Variants in RASGEF1B observed in about 807,000 individuals in gnomAD.
RASGEF1B encodes the protein RasGEF domain family member 1B, also known as ras-GEF domain-containing family member 1B.
RASGEF1B carries 30 observed loss-of-function variants against 65.7 expected under a neutral mutation model. The ratio of observed to expected loss-of-function variants is 0.46; its 90% CI spans 0.34 to 0.62. RASGEF1B has a LOEUF of 0.62. RASGEF1B is among the 20% of genes least tolerant of loss of function. RASGEF1B has a pLI of 0.01. For missense variants in RASGEF1B, 495 were observed against 580.1 expected, an observed-to-expected ratio of 0.85 and a Z score of 1.51; for synonymous variants, 175 against 194.8, an observed-to-expected ratio of 0.90 and a Z score of 0.85.
intron 1 of RASGEF1B, among the ~76,000 whole-genome samples, chr4:81,460,354 G>A (rs1015960096): frequency 4.6e-5 from 7 of 152,202 alleles, no homozygotes; most frequent in South Asian, 2.1e-4. Context: ...GACGGCACCC[G>A]GCCCTGAGAA....
rs532072755 is a variant in RASGEF1B at position 81,467,909 on chromosome 4, G to A, written c.-7+3861C>T. ...GAGTGCTGTCAAAAAGAACTTTCTG[G>A]GATACTGAAAATGTTTTTCTTTTGC... On this transcript the variant is annotated intron_variant, in intron 1 of 13. Transcript: ENST00000264400. Among the ~76,000 whole-genome samples, 3 of 152,136 alleles carry A rather than the reference G, an allele frequency of 2.0e-5. No homozygotes were observed. The East Asian group carries it at 5.8e-4, about 29-fold the overall frequency.
chr4:81,449,595 A>G (rs1350851544), intron 4 of RASGEF1B, among the ~76,000 whole-genome samples: 1 of 152,218 alleles, frequency 6.6e-6, no homozygotes, highest in Non-Finnish European at 1.5e-5. Flanking sequence ...CTTAGGTTAA[A>G]TCTCCAAAGG....
intron 13 of RASGEF1B, among the ~76,000 whole-genome samples, chr4:81,429,292 T>C (rs1373738051): frequency 6.6e-6 from 1 of 152,214 alleles, no homozygotes; most frequent in Non-Finnish European, 1.5e-5. Context: ...AGTGTGTGGC[T>C]TGAACACCAA....
chr4:81,432,446 G>T, intron 12 of RASGEF1B, 75 bp from the exon 13 acceptor site: 1 of 906,894 alleles, frequency 1.1e-6, no homozygotes, highest in Non-Finnish European at 1.8e-6. Context: ...ACCCTTGTTC[G>T]ACTTGAGCCA....
chr4:81,428,216 G>A (rs370623352), intron 13 of RASGEF1B, among the ~76,000 whole-genome samples: 3 of 152,336 alleles, frequency 2.0e-5, no homozygotes, highest in African/African-American at 7.2e-5. Flanking sequence ...TCTGCCGTCA[G>A]AGGTGTATCT....
intron 4 of RASGEF1B, chr4:81,455,521 T>A (rs1015928018): frequency 6.6e-6 from 1 of 152,200 alleles, no homozygotes; most frequent in Non-Finnish European, 1.5e-5. Context: ...TAATGGAAAA[T>A]GCATTTTAAG....
In RASGEF1B at chr4:81,435,626, G is replaced by A. The variant is rs550737828; in HGVS notation, c.1105-892C>T. Among the ~76,000 whole-genome samples the A allele has an allele frequency of 4.0e-5, 6 of 148,608 alleles. No individual in the cohort carries two copies. The East Asian group carries it at 1.2e-3, about 30-fold the overall frequency. On this transcript the variant is annotated intron_variant, in intron 10 of 13. Coordinates refer to ENST00000264400, the MANE Select transcript of RASGEF1B (RefSeq NM_152545.3). ...TGGGACTACAGGAACCCACCATCATGCCCGGCTAATTTTTTTTTTTTGTAT... is the reference window on the plus strand; with the variant it reads ...TGGGACTACAGGAACCCACCATCATACCCGGCTAATTTTTTTTTTTTGTAT...
intron 13 of RASGEF1B, among the ~76,000 whole-genome samples, chr4:81,430,237 C>T (rs1272658597): frequency 1.3e-5 from 2 of 152,080 alleles, no homozygotes; most frequent in Admixed American, 6.5e-5. Flanking sequence ...GGAGGCGGAG[C>T]CTGCAGTGAG....
intron 10 of RASGEF1B, among the ~76,000 whole-genome samples, chr4:81,438,512 T>C (rs979883708): frequency 1.1e-4 from 16 of 152,228 alleles, no homozygotes; most frequent in African/African-American, 3.9e-4. Flanking sequence ...CTCCTAGCCT[T>C]TGAGCCCAAC....
At chr4:81,428,855 A>C (rs1460296733) in intron 13 of RASGEF1B, among the ~76,000 whole-genome samples, 1 of 152,174 alleles carries the variant, frequency 6.6e-6, no homozygotes, top group Non-Finnish European at 1.5e-5. Flanking sequence ...ATCCCCCATA[A>C]ATACCAAGGG....
chr4:81,466,620 G>T (rs185089630), intron 1 of RASGEF1B, among the ~76,000 whole-genome samples: 1 of 151,598 alleles, frequency 6.6e-6, no homozygotes, highest in Admixed American at 6.6e-5. Flanking sequence ...TTAGCTGGGC[G>T]TGGTGGCGGG....
chr4:81,452,237 A>G (rs1722285469), intron 4 of RASGEF1B: 1 of 152,352 alleles, frequency 6.6e-6, no homozygotes, highest in South Asian at 2.1e-4. Flanking sequence ...CAGCCTCCCA[A>G]GTAGCTGGGA....
intron 1 of RASGEF1B, among the ~76,000 whole-genome samples, chr4:81,468,844 A>T (rs1722934782): frequency 6.6e-6 from 1 of 152,206 alleles, no homozygotes; most frequent in Non-Finnish European, 1.5e-5. Flanking sequence ...TGACAGACCT[A>T]AAGAAACTCA....
intron 1 of RASGEF1B, among the ~76,000 whole-genome samples, chr4:81,469,252 T>C (rs549243589): frequency 1.3e-5 from 2 of 152,314 alleles, no homozygotes; most frequent in East Asian, 3.9e-4. Flanking sequence ...GAATCAAGTT[T>C]CCCAATCCCT....
At chr4:81,450,559 C>T (rs1177815437) in intron 4 of RASGEF1B, among the ~76,000 whole-genome samples, 1 of 147,178 alleles carries the variant, frequency 6.8e-6, no homozygotes. Context: ...TTGTTGATGC[C>T]TTTTGTTTGT....
At chr4:81,466,794 G>GAAAGAAAGAA (rs1722843251) in intron 1 of RASGEF1B, among the ~76,000 whole-genome samples, 3 of 144,684 alleles carry the variant, frequency 2.1e-5, no homozygotes, top group Non-Finnish European at 4.5e-5. Flanking sequence ...AAGAAAGAAA[G>GAAAGAAAGAA]AAAGAAAGAA....
At chr4:81,437,160 T>C (rs1390091110) in intron 10 of RASGEF1B, among the ~76,000 whole-genome samples, 1 of 152,246 alleles carries the variant, frequency 6.6e-6, no homozygotes, top group Non-Finnish European at 1.5e-5. Flanking sequence ...TGCTATAAGC[T>C]AGGAGTTGGC....
intron 1 of RASGEF1B, among the ~76,000 whole-genome samples, chr4:81,466,770 A>AGAAAG (rs1553947089): frequency 8.3e-5 from 3 of 36,100 alleles, no homozygotes; most frequent in Non-Finnish European, 1.1e-4. Context: ...AAAAAAAAAA[A>AGAAAG]AAAGAAAGAA....
intron 6 of RASGEF1B, among the ~76,000 whole-genome samples, chr4:81,446,145 T>C (rs1258295996): frequency 6.6e-6 from 1 of 152,136 alleles, no homozygotes. Context: ...GAGGCTGAGG[T>C]GGGTGGATCA....
Sources: gnomAD v4.1 joint callset for allele counts (sites outside exome capture counted in the v4.1 genomes callset) on GRCh38, gnomAD v4.1.1 for gene constraint, MANE v1.5 for transcripts, NCBI Gene and HGNC (gene_info 2026-07-23, HGNC 2026-07-21) for gene names.